NID2: variants seen among roughly 807,000 people sequenced by gnomAD.
NID2 encodes nidogen-2.
A neutral mutation model predicts 145.4 loss-of-function variants in NID2; 83 were observed. The ratio of observed to expected loss-of-function variants is 0.57; its 90% CI spans 0.48 to 0.69. The LOEUF is 0.69. NID2 is among the 30% of genes least tolerant of loss of function. The probability of loss-of-function intolerance (pLI) is 0.00; values close to 1 mark genes in which losing one functional copy is unlikely to be tolerated. For synonymous variants in NID2, 739 were observed against 701.3 expected, an observed-to-expected ratio of 1.05 and a Z score of -0.85; for missense variants, 1,807 against 1,765.7, an observed-to-expected ratio of 1.02 and a Z score of -0.42.
intron 11 of NID2, 159 bp downstream of exon 11, chr14:52,028,563 C>T (rs1891679532): frequency 1.3e-6 from 1 of 779,728 alleles, no homozygotes; most frequent in East Asian, 3.1e-5. Flanking sequence ...CGTGAGCCAC[C>T]ACATCCAGCC....
intron 3 of NID2, among the ~76,000 whole-genome samples, chr14:52,057,427 G>A (rs1892886819): frequency 6.6e-6 from 1 of 152,162 alleles, no homozygotes; most frequent in South Asian, 2.1e-4. Flanking sequence ...AACAGGCCGG[G>A]TATGGTGGCT....
intron 9 of NID2, among the ~76,000 whole-genome samples, chr14:52,036,885 T>G (rs1892092032): frequency 6.6e-6 from 1 of 152,102 alleles, no homozygotes. Context: ...CTTCGTATAC[T>G]CTAGAACAAA....
intron 12 of NID2, among the ~76,000 whole-genome samples, chr14:52,021,222 G>A (rs1252492018): frequency 6.6e-6 from 1 of 150,770 alleles, no homozygotes. Flanking sequence ...TGTGTGAATA[G>A]AAAAAAAAAA....
At chr14:52,042,437 C>T in intron 6 of NID2, 87 bp from the exon 7 acceptor site, 10 of 1,441,554 alleles carry the variant, frequency 6.9e-6, no homozygotes, top group Non-Finnish European at 9.3e-6. Context: ...CTGACAACTT[C>T]CAAAACTCAC....
intron 5 of NID2, among the ~76,000 whole-genome samples, chr14:52,050,393 T>C (rs1248537914): frequency 6.6e-6 from 1 of 152,190 alleles, no homozygotes; most frequent in Non-Finnish European, 1.5e-5. Context: ...TCTCAGACTT[T>C]GACCCCAGGC....
rs1032571416 is a variant in NID2 at position 52,069,051 on chromosome 14, C to T, written c.-57G>A. The T allele has an allele frequency of 9.3e-6, 13 of 1,396,844 alleles. No individual in the cohort carries two copies. The highest frequency in any genetic ancestry group is 1.4e-5 in the African/African-American group (1 of 70,820). The allele number at this position is 1,396,844 out of a possible 1,614,324, so 86.5% of individuals were successfully genotyped here. On this transcript the variant is annotated 5_prime_UTR_variant, in exon 1 of 22. Transcript: ENST00000216286. ...AACGCGTCCCGCCCCGGCCTCCAGCCCACTCTCCGCGCCGCGCCAGCCTCG... is the reference window on the plus strand; with the variant it reads ...AACGCGTCCCGCCCCGGCCTCCAGCTCACTCTCCGCGCCGCGCCAGCCTCG...
At chr14:52,027,726 CTTTT>C (rs59253416) in intron 11 of NID2, among the ~76,000 whole-genome samples, 4 of 136,428 alleles carry the variant, frequency 2.9e-5, no homozygotes, top group African/African-American at 1.1e-4. Context: ...CATTTTCTTT[CTTTT>C]TTTTTTTTTT....
intron 12 of NID2, among the ~76,000 whole-genome samples, chr14:52,021,400 T>G (rs965153995): frequency 6.6e-6 from 1 of 152,172 alleles, no homozygotes; most frequent in Non-Finnish European, 1.5e-5. Flanking sequence ...CAGGCTCCCA[T>G]GACCCACATG....
chr14:52,008,125 G>T, intron 18 of NID2, 158 bp from the exon 19 acceptor site: 1 of 596,482 alleles, frequency 1.7e-6, no homozygotes, highest in South Asian at 2.2e-5. Flanking sequence ...TTCTTCTAGT[G>T]CATAGAGTAT....
chr14:52,046,341 A>AAAAGC (rs33978626), intron 5 of NID2, among the ~76,000 whole-genome samples: 5,596 of 123,104 alleles, frequency 0.045, 713 homozygotes, highest in South Asian at 0.088. Flanking sequence ...AAAAAAAAAA[A>AAAAGC]AGCCGTTTTC....
At chr14:52,056,644 TAGTC>T (rs2140426108) in intron 3 of NID2, among the ~76,000 whole-genome samples, 1 of 151,924 alleles carries the variant, frequency 6.6e-6, no homozygotes, top group South Asian at 2.1e-4. Flanking sequence ...ACAAAAAAAA[TAGTC>T]AGGTGTGATG....
At position 52,053,263 on chromosome 14, in the gene NID2, T is replaced by C. The variant is rs28673479; in HGVS notation, c.1429+316A>G. On this transcript the variant is annotated intron_variant, in intron 5 of 21. Coordinates refer to ENST00000216286, the MANE Select transcript of NID2 (RefSeq NM_007361.4). ...CAAAATGTTTTACCTTTGCTGAACT[T>C]TCAAACTGAAATAGTTCATTACACT... is the stretch of plus-strand genomic sequence containing the variant. Among the ~76,000 whole-genome samples the C allele has an allele frequency of 7.2e-3, 1,090 of 152,326 alleles. 18 individuals are homozygous for C. The highest frequency in any genetic ancestry group is 0.025 in the African/African-American group (1,039 of 41,562).
intron 2 of NID2, among the ~76,000 whole-genome samples, chr14:52,062,886 G>C (rs1208082535): frequency 6.6e-6 from 1 of 152,114 alleles, no homozygotes; most frequent in Admixed American, 6.5e-5. Context: ...TCTATATACT[G>C]TTCTTGAGAT....
intron 18 of NID2, chr14:52,009,133 G>A (rs553493902): frequency 6.6e-6 from 1 of 152,304 alleles, no homozygotes; most frequent in Non-Finnish European, 1.5e-5. Flanking sequence ...TTCCCCTGTT[G>A]CGAATTTCAT....
At chr14:52,061,647 A>G (rs1300328857) in intron 2 of NID2, among the ~76,000 whole-genome samples, 1 of 152,142 alleles carries the variant, frequency 6.6e-6, no homozygotes, top group Non-Finnish European at 1.5e-5. Flanking sequence ...GCCAACACAG[A>G]CCAGAGAGGG....
chr14:52,041,495 G>A (rs546136043), intron 7 of NID2, among the ~76,000 whole-genome samples: 8 of 152,310 alleles, frequency 5.3e-5, no homozygotes, highest in Admixed American at 3.3e-4. Flanking sequence ...TGGAAGGTGA[G>A]AATCCAAAAA....
intron 8 of NID2, among the ~76,000 whole-genome samples, chr14:52,039,927 A>G (rs78655641): frequency 6.0e-4 from 92 of 152,280 alleles, no homozygotes; most frequent in African/African-American, 2.1e-3. Context: ...ATAATAAATT[A>G]TAGCATCTCT....
chr14:52,067,821 C>T (rs779910438), intron 2 of NID2, 37 bp downstream of exon 2: 1 of 1,606,790 alleles, frequency 6.2e-7, no homozygotes, highest in Admixed American at 1.7e-5. Flanking sequence ...GCCCATCCTT[C>T]AATTTCCTCA....
intron 20 of NID2, chr14:52,006,244 C>T: frequency 2.5e-6 from 1 of 400,762 alleles, no homozygotes; most frequent in Non-Finnish European, 4.6e-6. Context: ...CTCTAAAGAA[C>T]ATATTTAGAT....
Sources: gnomAD v4.1 joint callset for allele counts (sites outside exome capture counted in the v4.1 genomes callset) on GRCh38, gnomAD v4.1.1 for gene constraint, MANE v1.5 for transcripts, NCBI Gene and HGNC (gene_info 2026-07-23, HGNC 2026-07-21) for gene names.